The following SLC5A4 variants were observed in gnomAD, a reference collection of about 807,000 sequenced individuals.
The protein encoded by SLC5A4 is solute carrier family 5 member 4.
SLC5A4 carries 55 observed loss-of-function variants against 70.3 expected under a neutral mutation model. The observed-to-expected ratio is 0.78, with a 90% CI of 0.63 to 0.98. The LOEUF is 0.98. SLC5A4 is among the 50% of genes least tolerant of loss of function. SLC5A4 has a pLI of 0.00. For synonymous variants in SLC5A4, 268 were observed against 305.7 expected (o/e 0.88, Z 1.29); for missense variants, 735 against 839.2 (o/e 0.88, Z 1.53).
At chr22:32,337,049 G>C in the SLC5A4 span, among the ~76,000 whole-genome samples, 2 of 152,222 alleles carry the variant, frequency 1.3e-5, no homozygotes, top group Admixed American at 6.5e-5. Context: ...TCCTTGGGGG[G>C]ACTAAAGACC....
chr22:32,247,773 A>G (rs936561669), intron 4 of SLC5A4, among the ~76,000 whole-genome samples: 1 of 152,162 alleles, frequency 6.6e-6, no homozygotes, highest in Admixed American at 6.5e-5. Flanking sequence ...CTCCTGACCA[A>G]TCTGCAGATC....
chr22:32,349,839 G>T, the SLC5A4 span, among the ~76,000 whole-genome samples: 24 of 152,190 alleles, frequency 1.6e-4, no homozygotes, highest in African/African-American at 3.4e-4. Context: ...TTTCTAAATA[G>T]TCATTCTACT....
At chr22:32,289,640 A>G in the SLC5A4 span, among the ~76,000 whole-genome samples, 1 of 152,176 alleles carries the variant, frequency 6.6e-6, no homozygotes, top group Admixed American at 6.5e-5. Context: ...CACCTTGTGA[A>G]GAGGTGCCTT....
chr22:32,261,324 C>T, the SLC5A4 span, among the ~76,000 whole-genome samples: 1 of 152,208 alleles, frequency 6.6e-6, no homozygotes, highest in Non-Finnish European at 1.5e-5. Flanking sequence ...GAAAGTCTAT[C>T]CTCCTGCCCC....
rs1022612083 is a variant in SLC5A4, at chr22:32,225,944, C to T, written c.1281-121G>A. ...TTGATTTTCCAAACAAAATCAAGCT[C>T]CTTGATCATACATAAACCCATGCTG... On this transcript the variant is annotated intron_variant, in intron 11 of 14. Coordinates refer to ENST00000266086, the MANE Select transcript of SLC5A4 (RefSeq NM_014227.3). 7 of 668,078 alleles carry T rather than the reference C, an allele frequency of 1.0e-5. No individual in the cohort carries two copies. In the African/African-American group the frequency reaches 1.3e-4, roughly 12 times the overall value. 41.4% of individuals were successfully genotyped at this position (668,078 alleles called of 1,614,324 possible). A position where few individuals can be genotyped will look rare whatever the true frequency, so the allele number is the denominator to read the frequency against.
At chr22:32,332,847 T>A in the SLC5A4 span, among the ~76,000 whole-genome samples, 8 of 152,350 alleles carry the variant, frequency 5.3e-5, no homozygotes, top group East Asian at 1.5e-3. Context: ...TACCACAAAG[T>A]GCTCTGAGAT....
chr22:32,311,048 CT>C, the SLC5A4 span, among the ~76,000 whole-genome samples: 1 of 152,188 alleles, frequency 6.6e-6, no homozygotes, highest in Non-Finnish European at 1.5e-5. Flanking sequence ...CTTTTCCTAT[CT>C]TTAACGCCCA....
At chr22:32,270,886 C>A in the SLC5A4 span, 2 of 556,554 alleles carry the variant, frequency 3.6e-6, no homozygotes, top group South Asian at 1.7e-5. Flanking sequence ...ATCAGCCCAA[C>A]GTGATCACGC....
chr22:32,306,801 A>G, the SLC5A4 span, among the ~76,000 whole-genome samples: 7 of 152,188 alleles, frequency 4.6e-5, no homozygotes, highest in African/African-American at 1.7e-4. Context: ...CCAGACACTG[A>G]CCGCTTGGTT....
chr22:32,218,708 G>T lies in SLC5A4; in HGVS notation c.1786C>A (p.Arg596Ser). ...TCATAAGCTTTCTTGAGGCATCCAC[G>T]TGATTTCTCAGGATAATCTGGAACA... The part of the protein sequence containing the change: ...GVEEDYPEKS[R>S]GCLKKAYDLF... Residue 596 changes from arginine to serine, a missense_variant, in exon 15 of 15, where the codon CGT (arginine) becomes AGT (serine). Coordinates refer to ENST00000266086, the MANE Select transcript of SLC5A4 (RefSeq NM_014227.3). 1 of 1,613,498 alleles carries T rather than the reference G, an allele frequency of 6.2e-7. No homozygotes were observed. The highest frequency in any genetic ancestry group is 8.5e-7 in the Non-Finnish European group (1 of 1,179,570).
chr22:32,225,148 G>T (rs1199274589), intron 12 of SLC5A4, among the ~76,000 whole-genome samples: 1 of 152,184 alleles, frequency 6.6e-6, no homozygotes, highest in Non-Finnish European at 1.5e-5. Context: ...ATGATTGAAA[G>T]ATTAAGGGTA....
At chr22:32,328,873 C>T in the SLC5A4 span, among the ~76,000 whole-genome samples, 1 of 152,204 alleles carries the variant, frequency 6.6e-6, no homozygotes, top group Non-Finnish European at 1.5e-5. Context: ...CTACTCTACC[C>T]TCAGGGAACG....
the SLC5A4 span, among the ~76,000 whole-genome samples, chr22:32,262,076 T>G: frequency 1.3e-5 from 2 of 152,268 alleles, no homozygotes; most frequent in African/African-American, 4.8e-5. Context: ...CATTCGTTGA[T>G]GGACACTTAG....
chr22:32,306,632 GGA>G, the SLC5A4 span, among the ~76,000 whole-genome samples: 1 of 152,164 alleles, frequency 6.6e-6, no homozygotes, highest in South Asian at 2.1e-4. Flanking sequence ...AGAGTTTACA[GGA>G]GAGAAAATAT....
At chr22:32,294,145 T>C in the SLC5A4 span, among the ~76,000 whole-genome samples, 72,770 of 151,840 alleles carry the variant, frequency 0.48, 17,589 homozygotes, top group Admixed American at 0.51. Flanking sequence ...TCTCTTCAAA[T>C]AGTATTTCTC....
At chr22:32,247,732 C>A (rs979140102) in intron 4 of SLC5A4, among the ~76,000 whole-genome samples, 2 of 152,074 alleles carry the variant, frequency 1.3e-5, no homozygotes, top group Non-Finnish European at 2.9e-5. Context: ...AGAGAAGGAC[C>A]CCCCCATGGA....
At chr22:32,261,141 C>T in the SLC5A4 span, among the ~76,000 whole-genome samples, 1,710 of 152,052 alleles carry the variant, frequency 0.011, 25 homozygotes, top group African/African-American at 0.039. Flanking sequence ...ACCCCTTTAG[C>T]GAAGGCTAAA....
chr22:32,241,105 T>A (rs1569376101), intron 5 of SLC5A4, among the ~76,000 whole-genome samples: 1 of 152,322 alleles, frequency 6.6e-6, no homozygotes, highest in East Asian at 1.9e-4. Context: ...CAGCAAGATC[T>A]GGGAGGAGGC....
the SLC5A4 span, chr22:32,270,599 G>T: frequency 1.4e-6 from 1 of 736,518 alleles, no homozygotes; most frequent in Non-Finnish European, 2.5e-6. Context: ...GACACCAGTG[G>T]CTTTGCCACG....
Sources: gnomAD v4.1 joint callset for allele counts (sites outside exome capture counted in the v4.1 genomes callset) on GRCh38, gnomAD v4.1.1 for gene constraint, MANE v1.5 for transcripts, NCBI Gene and HGNC (gene_info 2026-07-23, HGNC 2026-07-21) for gene names.